PRR5L: variants seen among roughly 807,000 people sequenced by gnomAD.
PRR5L encodes proline rich 5 like.
In PRR5L, 21 loss-of-function variants were observed where a neutral mutation model predicts 36.4. That is an observed-to-expected ratio of 0.58 (90% CI 0.41 to 0.83). The LOEUF (loss-of-function observed/expected upper bound fraction) is 0.83. PRR5L is among the 40% of genes least tolerant of loss of function. The pLI, the probability that PRR5L is intolerant of heterozygous loss-of-function variation, is 0.00. For synonymous variants in PRR5L, 188 were observed against 197.0 expected (o/e 0.95, Z 0.38); for missense variants, 381 against 473.3 (o/e 0.80, Z 1.81).
chr11:36,422,307 A>T (rs556413132), intron 4 of PRR5L, among the ~76,000 whole-genome samples: 1 of 152,308 alleles, frequency 6.6e-6, no homozygotes, highest in East Asian at 1.9e-4. Context: ...AGGGAAAGTC[A>T]GGAGGAACTC....
chr11:36,316,397 C>A (rs1856557918), intron 1 of PRR5L, among the ~76,000 whole-genome samples: 1 of 152,128 alleles, frequency 6.6e-6, no homozygotes, highest in Non-Finnish European at 1.5e-5. Flanking sequence ...TCATGCAGAA[C>A]CAGCTGTGCA....
intron 1 of PRR5L, among the ~76,000 whole-genome samples, chr11:36,312,553 T>C (rs9971501): frequency 0.85 from 129,547 of 152,172 alleles, 55,373 homozygotes; most frequent in East Asian, 0.98. Context: ...ACTTGAGAGG[T>C]GGTTTAAGGT....
chr11:36,298,271 A>T (rs59312539), intron 1 of PRR5L, among the ~76,000 whole-genome samples: 29,430 of 152,216 alleles, frequency 0.19, 3,084 homozygotes, highest in South Asian at 0.34. Flanking sequence ...AGACCAGGGT[A>T]GGGATGGTTT....
chr11:36,412,241 T>C (rs550385319), intron 3 of PRR5L, among the ~76,000 whole-genome samples: 3 of 152,292 alleles, frequency 2.0e-5, no homozygotes, highest in South Asian at 2.1e-4. Context: ...TTTCCTTGTA[T>C]ATTAAAATTG....
At chr11:36,424,914 C>T (rs566201172) in intron 4 of PRR5L, among the ~76,000 whole-genome samples, 16 of 152,198 alleles carry the variant, frequency 1.1e-4, no homozygotes, top group South Asian at 4.2e-4. Context: ...CTCCGCCTCC[C>T]GGATTCAAGT....
chr11:36,367,927 G>T (rs1054388576), intron 1 of PRR5L, among the ~76,000 whole-genome samples: 1 of 151,992 alleles, frequency 6.6e-6, no homozygotes, highest in Non-Finnish European at 1.5e-5. Context: ...GACCAGCCGT[G>T]GGTTAAGATA....
intron 1 of PRR5L, among the ~76,000 whole-genome samples, chr11:36,317,843 T>TA (rs1303607394): frequency 6.6e-6 from 1 of 152,234 alleles, no homozygotes; most frequent in Non-Finnish European, 1.5e-5. Context: ...TTCTGTGAAA[T>TA]ACGTGTTCAA....
At chr11:36,385,295 C>T (rs1857437739) in intron 1 of PRR5L, among the ~76,000 whole-genome samples, 1 of 152,180 alleles carries the variant, frequency 6.6e-6, no homozygotes, top group South Asian at 2.1e-4. Context: ...ACAATATGCA[C>T]TCCAAGAAAC....
chr11:36,380,333 C>T (rs1031196414), intron 1 of PRR5L, among the ~76,000 whole-genome samples: 6 of 152,026 alleles, frequency 3.9e-5, no homozygotes, highest in Non-Finnish European at 7.4e-5. Context: ...ATGAGGTTCC[C>T]AGAAGGGAAG....
chr11:36,372,305 TGTCATGGGAACAAA>T (rs1857205787), intron 1 of PRR5L, among the ~76,000 whole-genome samples: 1 of 152,020 alleles, frequency 6.6e-6, no homozygotes, highest in Non-Finnish European at 1.5e-5. Flanking sequence ...GGGCAGGCAT[TGTCATGGGAACAAA>T]GCAAAAGTAG....
At chr11:36,403,182 G>A (rs1179146606) in intron 2 of PRR5L, 116 bp from the exon 3 acceptor site, 22 of 758,164 alleles carry the variant, frequency 2.9e-5, no homozygotes, top group Non-Finnish European at 3.6e-5. Context: ...GGAGAGTGTG[G>A]CCAGGTTTGT....
intron 4 of PRR5L, chr11:36,425,894 GA>G (rs1680932076): frequency 2.0e-5 from 3 of 152,162 alleles, no homozygotes; most frequent in African/African-American, 4.8e-5. Context: ...CTAAGACATT[GA>G]TATCACCAGA....
chr11:36,347,989 A>T (rs1311445990), intron 1 of PRR5L, among the ~76,000 whole-genome samples: 2 of 152,186 alleles, frequency 1.3e-5, no homozygotes, highest in African/African-American at 2.4e-5. Context: ...TACTTATTTC[A>T]TGGGGCCATT....
chr11:36,302,096 A>G (rs2133448603), intron 1 of PRR5L, among the ~76,000 whole-genome samples: 1 of 152,352 alleles, frequency 6.6e-6, no homozygotes, highest in East Asian at 1.9e-4. Flanking sequence ...TTTCTGTGTG[A>G]AATATTTTGT....
chr11:36,347,856 G>C (rs895351035), intron 1 of PRR5L, among the ~76,000 whole-genome samples: 2 of 151,954 alleles, frequency 1.3e-5, no homozygotes, highest in African/African-American at 4.8e-5. Context: ...AGTTCCTATG[G>C]TGGTTCAGGG....
At chr11:36,404,220 G>T (rs1857860271) in intron 3 of PRR5L, among the ~76,000 whole-genome samples, 1 of 151,910 alleles carries the variant, frequency 6.6e-6, no homozygotes, top group Non-Finnish European at 1.5e-5. Flanking sequence ...GTCAGGCAGG[G>T]CTCAGAGCAC....
intron 1 of PRR5L, among the ~76,000 whole-genome samples, chr11:36,396,451 A>G (rs1266770748): frequency 6.6e-6 from 1 of 152,266 alleles, no homozygotes; most frequent in Non-Finnish European, 1.5e-5. Context: ...GGCGGCTCAG[A>G]GGACTTGTCT....
At chr11:36,350,612 T>C (rs1856919368) in intron 1 of PRR5L, among the ~76,000 whole-genome samples, 2 of 151,966 alleles carry the variant, frequency 1.3e-5, no homozygotes, top group Admixed American at 6.6e-5. Context: ...TTAGTGGTGA[T>C]TTCTGAGATT....
At chr11:36,397,272 G>T (rs1248298080) in intron 1 of PRR5L, among the ~76,000 whole-genome samples, 1 of 150,702 alleles carries the variant, frequency 6.6e-6, no homozygotes, top group Admixed American at 6.6e-5. Flanking sequence ...CACCGTGTTG[G>T]TCAGTCTGAT....
Sources: allele counts gnomAD v4.1 joint callset (sites outside exome capture counted in the v4.1 genomes callset), GRCh38; gene constraint gnomAD v4.1.1; transcripts MANE v1.5; gene names NCBI Gene and HGNC (gene_info 2026-07-23, HGNC 2026-07-21).